MMP8: variants seen among roughly 807,000 people sequenced by gnomAD.
MMP8 encodes the protein neutrophil collagenase.
A neutral mutation model predicts 51.2 loss-of-function variants in MMP8; 67 were observed. The observed-to-expected ratio is 1.31, with a 90% confidence interval of 1.08 to 1.60. The LOEUF is 1.60. Ranked by LOEUF, MMP8 falls within the 40% of genes most tolerant of loss-of-function variation. The pLI, the probability that MMP8 is intolerant of heterozygous loss-of-function variation, is 0.00. For synonymous variants in MMP8, 225 were observed against 191.0 expected, an observed-to-expected ratio of 1.18 and a Z score of -1.47; for missense variants, 654 against 558.1, an observed-to-expected ratio of 1.17 and a Z score of -1.73.
In MMP8 at chr11:102,721,606, G is replaced by C. The variant is rs770322542; in HGVS notation, c.496+8C>G. On this transcript the variant is annotated splice_region_variant and intron_variant, in intron 3 of 9. Transcript: ENST00000236826. Reference sequence around the variant, plus strand: ...AAGCAAAACTGAGCATGACTGCTTTGTACCTACCTCTTTGGTAAAAAGCAA... The same window carrying C: ...AAGCAAAACTGAGCATGACTGCTTTCTACCTACCTCTTTGGTAAAAAGCAA... 1 of 1,613,728 alleles carries C rather than the reference G, an allele frequency of 6.2e-7. No individual in the cohort carries two copies. The highest frequency in any genetic ancestry group is 8.5e-7 in the Non-Finnish European group (1 of 1,179,782).
At chr11:102,720,929 A>G (rs1321088691) in intron 4 of MMP8, among the ~76,000 whole-genome samples, 3 of 152,198 alleles carry the variant, frequency 2.0e-5, no homozygotes, top group African/African-American at 2.4e-5. Context: ...TTCAAACATC[A>G]CTAAATTTGG....
intron 1 of MMP8, chr11:102,723,958 TA>T: frequency 3.1e-6 from 1 of 325,232 alleles, no homozygotes; most frequent in Non-Finnish European, 6.5e-6. Flanking sequence ...GAAATGAAAA[TA>T]ATAATGCTCC....
rs763178340 is a variant in MMP8, at chr11:102,723,054, C to A, written c.103-381G>T. On this transcript the variant is annotated intron_variant, in intron 1 of 9. Transcript: ENST00000236826. ...CAGTTCCTCTTTTTTATCCTCTTCA[C>A]TACTGTAGAAAAGGCTTATTTATTC... 4 of 1,290,890 alleles carry A rather than the reference C, an allele frequency of 3.1e-6. No homozygotes were observed. In the South Asian group the frequency reaches 4.9e-5, roughly 16 times the overall value. 80.0% of individuals were successfully genotyped at this position (1,290,890 alleles called of 1,614,324 possible).
At position 102,715,559 on chromosome 11, in the gene MMP8, C is replaced by T. The variant is rs879560352; in HGVS notation, c.903-122G>A. 8.0e-5 allele frequency: 105 copies of T among 1,315,938 alleles called. 1 individual carries two copies. Among genetic ancestry groups the T allele is most frequent in the Middle Eastern group, 5.0e-4 (2 of 3,978 alleles). 81.5% of individuals were successfully genotyped at this position (1,315,938 alleles called of 1,614,324 possible). ...TTGCTGGGAGAATATAACAATCGAA[C>T]GAATGCAAAGTTCCTAGCACAGTGA... On this transcript the variant is annotated intron_variant, in intron 6 of 9. Transcript: ENST00000236826.
chr11:102,721,645 C>A lies in MMP8; in HGVS notation c.465G>T (p.Glu155Asp). 6.2e-7 allele frequency: 1 copy of A among 1,613,834 alleles called. No individual in the cohort carries two copies. The highest frequency in any genetic ancestry group is 1.1e-5 in the South Asian group (1 of 91,062). Residue 155 changes from glutamate (E) to aspartate (D), a missense_variant, in exon 3 of 10, where the codon GAG becomes GAT. By Grantham distance (45) the Glu-to-Asp change is conservative (BLOSUM62 2). Transcript: ENST00000236826. The stretch of plus-strand genomic sequence containing the variant: ...GGTAAAAAGCAATGTTGATATCTGC[C>A]TCTCCCTGTGAGATCCTGGTGAAGA... ...PLIFTRISQG[E>D]ADINIAFYQR...
rs1390677706 is a variant in MMP8 at position 102,714,536 on chromosome 11, G to GA, written c.1190+19dup. ...GAAACACAGATTTCAACCTATAATT[G>GA]AAAAAATAGTTTACGTTACCTCCAG... On this transcript the variant is annotated intron_variant, in intron 8 of 9. Transcript: ENST00000236826. 2 of 1,409,046 alleles carry GA rather than the reference G, an allele frequency of 1.4e-6. No homozygotes were observed. The highest frequency in any genetic ancestry group is 2.7e-5 in the Admixed American group (1 of 36,468). The allele number at this position is 1,409,046 out of a possible 1,614,324, so 87.3% of individuals were successfully genotyped here.
chr11:102,723,936 A>AT, intron 1 of MMP8: 2 of 331,602 alleles, frequency 6.0e-6, no homozygotes, highest in South Asian at 2.4e-5. Context: ...GATTTAAGAT[A>AT]TTTTTGTCTC....
At chr11:102,715,905 G>C (rs527732897) in intron 6 of MMP8, among the ~76,000 whole-genome samples, 3 of 152,314 alleles carry the variant, frequency 2.0e-5, no homozygotes, top group African/African-American at 7.2e-5. Context: ...ACTGATTTTG[G>C]ATGGAACTGG....
chr11:102,720,292 T>G (rs971666351), intron 4 of MMP8, among the ~76,000 whole-genome samples: 1 of 151,958 alleles, frequency 6.6e-6, no homozygotes. Flanking sequence ...GCTGCAATGG[T>G]AGGAAAAATT....
rs750075955 is a variant in MMP8 at position 102,721,768 on chromosome 11, A to T, written c.348-6T>A. ...GTGGGGTATAGTTTCGAATCCTTCA[A>T]AATGAGAGGATGTATGAAGAGTTAA... On this transcript the variant is annotated splice_polypyrimidine_tract_variant and splice_region_variant and intron_variant, in intron 2 of 9. Transcript: ENST00000236826. 20 of 1,613,162 alleles carry T rather than the reference A, an allele frequency of 1.2e-5. No homozygotes were observed. Among genetic ancestry groups the T allele is most frequent in the Non-Finnish European group, 1.6e-5 (19 of 1,179,538 alleles).
At position 102,711,855 on chromosome 11, in the gene MMP8, C is replaced by T. The variant is rs999309705; in HGVS notation, c.*1493G>A. ...TTAATAGATTATTTTAATTTTTGAA[C>T]AAGCATAAAGGTGCCAATTTAATTA... On this transcript the variant is annotated 3_prime_UTR_variant, in exon 10 of 10. Coordinates refer to ENST00000236826, the MANE Select transcript of MMP8 (RefSeq NM_002424.3). The T allele has an allele frequency of 3.3e-5, 5 of 151,962 alleles. No homozygotes were observed. Among genetic ancestry groups the T allele is most frequent in the Non-Finnish European group, 5.9e-5 (4 of 67,980 alleles). The allele number at this position is 151,962 out of a possible 1,614,324, so 9.4% of individuals were successfully genotyped here.
rs202056187 is a variant in MMP8, at chr11:102,716,346, A to T, written c.858T>A (p.Asp286Glu). The T allele has an allele frequency of 3.1e-6, 5 of 1,609,656 alleles. No individual in the cohort carries two copies. The highest frequency in any genetic ancestry group is 4.2e-6 in the Non-Finnish European group (5 of 1,177,908). ...PKPCDPSLTFDAITTLRGEIL... is the reference protein window; with the variant it reads ...PKPCDPSLTFEAITTLRGEIL... ...TTTCTCCACGGAGTGTGGTGATAGC[A>T]TCAAATGTCAAACTGGGGTCACAGG... The change falls in exon 6 of 10, where the codon GAT becomes GAA. Residue 286 changes from aspartate to glutamate, a missense_variant. Transcript: ENST00000236826.
chr11:102,718,487 G>C lies in MMP8; in HGVS notation c.711C>G (p.Pro237=). 2.5e-6 allele frequency: 4 copies of C among 1,613,826 alleles called. No homozygotes were observed. Among genetic ancestry groups the C allele is most frequent in the Non-Finnish European group, 3.4e-6 (4 of 1,179,900 alleles). ...HSSDPGALMY[P]NYAFRETSNY... The stretch of plus-strand genomic sequence containing the variant: ...TGCTGGTTTCCCTGAAAGCATAGTT[G>C]GGATACATCAAGGCACCAGGGTCAG... The change falls in exon 5 of 10, where the codon CCC becomes CCG. Residue 237 remains proline (P), a synonymous_variant. Transcript: ENST00000236826.
intron 5 of MMP8, among the ~76,000 whole-genome samples, chr11:102,717,620 T>G (rs1861336927): frequency 6.6e-6 from 1 of 152,098 alleles, no homozygotes; most frequent in African/African-American, 2.4e-5. Context: ...GCTACCACAT[T>G]TTATCTGTAT....
At chr11:102,715,461 C>A in intron 6 of MMP8, 24 bp from the exon 7 acceptor site, 1 of 1,604,814 alleles carries the variant, frequency 6.2e-7, no homozygotes, top group Non-Finnish European at 8.5e-7. Context: ...AGGAAACACA[C>A]ACACACACTT....
rs1158888141 is a variant in MMP8 at position 102,724,886 on chromosome 11, C to T, written c.-31G>A. The T allele has an allele frequency of 3.1e-6, 5 of 1,594,516 alleles. No individual in the cohort carries two copies. In the African/African-American group the frequency reaches 6.7e-5, roughly 21 times the overall value. On this transcript the variant is annotated 5_prime_UTR_variant, in exon 1 of 10. Coordinates refer to ENST00000236826, the MANE Select transcript of MMP8 (RefSeq NM_002424.3). The stretch of plus-strand genomic sequence containing the variant: ...TCTCTTCAAACTCTACCCCTCCTGG[C>T]TTTCTTTCTGTCCCTCTGGGTAGGG...
At chr11:102,714,975 T>C (rs1861245331) in intron 7 of MMP8, among the ~76,000 whole-genome samples, 2 of 151,922 alleles carry the variant, frequency 1.3e-5, no homozygotes, top group Admixed American at 1.3e-4. Flanking sequence ...ATTGGATGCC[T>C]TAGTTTGTGT....
At chr11:102,717,119 C>T (rs2134301674) in intron 5 of MMP8, among the ~76,000 whole-genome samples, 2 of 152,220 alleles carry the variant, frequency 1.3e-5, no homozygotes, top group South Asian at 4.2e-4. Flanking sequence ...AAAGGGCTTT[C>T]CCCAATTCCA....
chr11:102,722,704 C>T (rs1015144775), intron 1 of MMP8, 31 bp from the exon 2 acceptor site: 37 of 1,608,410 alleles, frequency 2.3e-5, no homozygotes, highest in Non-Finnish European at 3.1e-5. Context: ...AGGGGTCTTG[C>T]TGTGAAAGGA....
Sources: gnomAD v4.1 joint callset for allele counts (sites outside exome capture counted in the v4.1 genomes callset) on GRCh38, gnomAD v4.1.1 for gene constraint, MANE v1.5 for transcripts, NCBI Gene and HGNC (gene_info 2026-07-23, HGNC 2026-07-21) for gene names.